The following STAU2 variants were observed in gnomAD, a reference collection of about 807,000 sequenced individuals.
STAU2 encodes staufen double-stranded RNA binding protein 2.
Under a neutral mutation model 65.9 loss-of-function variants are expected in STAU2, and 20 were observed. The ratio of observed to expected loss-of-function variants is 0.30; its 90% CI spans 0.21 to 0.44. STAU2 has a LOEUF of 0.44. STAU2 is among the 20% of genes least tolerant of loss of function. The pLI is 1.00. For missense variants in STAU2, 558 were observed against 683.9 expected (o/e 0.82, Z 2.05); for synonymous variants, 232 against 233.9 (o/e 0.99, Z 0.07).
At position 73,437,255 on chromosome 8, in the gene STAU2, G is replaced by C. The variant is rs1273755702; in HGVS notation, c.1531-14553C>G. On this transcript the variant is annotated intron_variant, in intron 13 of 14. Transcript: ENST00000524300. Reference sequence around the variant, plus strand: ...CAGATATCATCAGGTTAAGTACCTGGAGATGGGACAAGTAGCCAGGATTAT... The same window carrying C: ...CAGATATCATCAGGTTAAGTACCTGCAGATGGGACAAGTAGCCAGGATTAT... Among the ~76,000 whole-genome samples, 3 of 152,310 alleles carry C rather than the reference G, an allele frequency of 2.0e-5. No individual in the cohort carries two copies. In the East Asian group the frequency reaches 5.8e-4, roughly 29 times the overall value.
Position 73,673,122 on chromosome 8 carries a change from C to T in STAU2, c.395G>A (p.Gly132Asp). 1 of 1,588,648 alleles carries T rather than the reference C, an allele frequency of 6.3e-7. No individual in the cohort carries two copies. Among genetic ancestry groups the T allele is most frequent in the Non-Finnish European group, 8.6e-7 (1 of 1,167,848 alleles). Residue 132 changes from glycine (G) to aspartate (D), a missense_variant, in exon 6 of 15, where the codon GGC (glycine) becomes GAC (aspartate). This residue lies in a region of STAU2 where 199 missense variants were observed against 299.5 expected (regional missense o/e 0.66). Coordinates refer to ENST00000524300, the MANE Select transcript of STAU2 (RefSeq NM_001164380.2). Reference protein sequence around the residue: ...PNYRANYNFRGMYNQRYHCPV... With the variant: ...PNYRANYNFRDMYNQRYHCPV... ...ACATACAAACCTCTGATTGTACATG[C>T]CCCGAAAGTTGTAATTAGCTCTATA...
chr8:73,424,704 A>ACTT (rs1438507968), intron 13 of STAU2, among the ~76,000 whole-genome samples: 1 of 151,862 alleles, frequency 6.6e-6, no homozygotes, highest in Non-Finnish European at 1.5e-5. Flanking sequence ...TATTCATAAT[A>ACTT]CTTTTTTCTT....
chr8:73,648,059 C>T lies in STAU2; in HGVS notation c.410+25048G>A, dbSNP rs1412223476. On this transcript the variant is annotated intron_variant, in intron 6 of 14. Transcript: ENST00000524300. ...TGCAGAGTACATGGGCTTCTGTGTG[C>T]CATTTTTACAACTTTCAGTGAATCT... Among the ~76,000 whole-genome samples, 7 of 152,102 alleles carry T rather than the reference C, an allele frequency of 4.6e-5. No homozygotes were observed. In the South Asian group the frequency reaches 6.2e-4, roughly 14 times the overall value.
chr8:73,722,010 T>C (rs1821720242), intron 3 of STAU2, among the ~76,000 whole-genome samples: 1 of 152,222 alleles, frequency 6.6e-6, no homozygotes, highest in South Asian at 2.1e-4. Context: ...AATTATTTTG[T>C]GTGACTCCAT....
chr8:73,682,022 T>C (rs1366139022), intron 5 of STAU2, among the ~76,000 whole-genome samples: 1 of 151,962 alleles, frequency 6.6e-6, no homozygotes, highest in South Asian at 2.1e-4. Flanking sequence ...GGCAAAATAA[T>C]AATAGTGAGG....
chr8:73,662,219 C>A (rs1329671838), intron 6 of STAU2, among the ~76,000 whole-genome samples: 2 of 152,074 alleles, frequency 1.3e-5, no homozygotes, highest in African/African-American at 2.4e-5. Flanking sequence ...AAATATTGTC[C>A]ATTTTTGCCT....
At chr8:73,740,081 G>GA (rs1291896331) in intron 1 of STAU2, among the ~76,000 whole-genome samples, 2 of 152,122 alleles carry the variant, frequency 1.3e-5, no homozygotes, top group East Asian at 3.9e-4. Flanking sequence ...AGAGCCCCAG[G>GA]AAACTGAACC....
rs951839700 is a variant in STAU2 at position 73,611,177 on chromosome 8, A to C, written c.891+2567T>G. ...ATGCTAAAAATCAGGATACTATTCC[A>C]AGCTGATCCATTTACTGACATATTA... On this transcript the variant is annotated intron_variant, in intron 9 of 14. Transcript: ENST00000524300. Among the ~76,000 whole-genome samples, 13 of 152,358 alleles carry C rather than the reference A, an allele frequency of 8.5e-5. No individual in the cohort carries two copies. In the Middle Eastern group the frequency reaches 0.014, roughly 159 times the overall value.
At chr8:73,582,074 G>A (rs759016052) in intron 12 of STAU2, among the ~76,000 whole-genome samples, 3 of 152,236 alleles carry the variant, frequency 2.0e-5, no homozygotes, top group Non-Finnish European at 4.4e-5. Context: ...GGAAGTGAGG[G>A]AGAGTATTAA....
chr8:73,477,255 C>T lies in STAU2; in HGVS notation c.1531-54553G>A, dbSNP rs191899179. Reference sequence around the variant, plus strand: ...TCTTGTTACAGAGGTTGGTTTTGATCCTTTGGACAGCAAGAATTCTAAAAA... The same window carrying T: ...TCTTGTTACAGAGGTTGGTTTTGATTCTTTGGACAGCAAGAATTCTAAAAA... On this transcript the variant is annotated intron_variant, in intron 13 of 14. Transcript: ENST00000524300. 5.8e-3 allele frequency among the ~76,000 whole-genome samples: 881 copies of T among 152,110 alleles called. 6 individuals carry two copies. The highest frequency in any genetic ancestry group is 9.6e-3 in the Non-Finnish European group (653 of 67,980).
At chr8:73,464,930 A>G (rs1819569509) in intron 13 of STAU2, among the ~76,000 whole-genome samples, 1 of 152,258 alleles carries the variant, frequency 6.6e-6, no homozygotes, top group East Asian at 1.9e-4. Context: ...TTAAGAAGAT[A>G]CAGCTAAAAT....
At chr8:73,732,205 A>T (rs2130754176) in intron 3 of STAU2, among the ~76,000 whole-genome samples, 1 of 152,342 alleles carries the variant, frequency 6.6e-6, no homozygotes, top group South Asian at 2.1e-4. Flanking sequence ...AGGAGGCCTC[A>T]GTTTCCCACA....
At chr8:73,590,228 G>A (rs1810673153) in intron 11 of STAU2, among the ~76,000 whole-genome samples, 1 of 138,662 alleles carries the variant, frequency 7.2e-6, no homozygotes, top group Admixed American at 7.0e-5. Context: ...GAAGAAGGGT[G>A]GGAAAAGAGT....
intron 13 of STAU2, among the ~76,000 whole-genome samples, chr8:73,509,608 A>G (rs1444640183): frequency 1.3e-5 from 2 of 152,196 alleles, no homozygotes; most frequent in Non-Finnish European, 1.5e-5. Flanking sequence ...TGCATTTGCC[A>G]AAATTCACAG....
At position 73,542,987 on chromosome 8, in the gene STAU2, A is replaced by C. The variant is rs556514646; in HGVS notation, c.1530+9025T>G. The stretch of plus-strand genomic sequence containing the variant: ...CACAAAATATTGTAAATCAATGTTC[A>C]TAAACAGCTTTATTTATAATGGCCC... On this transcript the variant is annotated intron_variant, in intron 13 of 14. Coordinates refer to ENST00000524300, the MANE Select transcript of STAU2 (RefSeq NM_001164380.2). 4.6e-5 allele frequency among the ~76,000 whole-genome samples: 7 copies of C among 152,346 alleles called. No homozygotes were observed. In the East Asian group the frequency reaches 7.7e-4, roughly 17 times the overall value.
chr8:73,560,530 G>T (rs1416530943), intron 12 of STAU2, among the ~76,000 whole-genome samples: 4 of 152,108 alleles, frequency 2.6e-5, no homozygotes, highest in Non-Finnish European at 5.9e-5. Context: ...TTAACATAAT[G>T]ATGTATGTGA....
At chr8:73,630,885 T>C (rs1814045166) in intron 6 of STAU2, among the ~76,000 whole-genome samples, 1 of 152,228 alleles carries the variant, frequency 6.6e-6, no homozygotes, top group South Asian at 2.1e-4. Flanking sequence ...CTAAAGCTTT[T>C]GGTTATTCCC....
intron 5 of STAU2, among the ~76,000 whole-genome samples, chr8:73,685,900 C>T (rs886342508): frequency 1.3e-5 from 2 of 152,130 alleles, no homozygotes; most frequent in African/African-American, 4.8e-5. Context: ...ATAAAACCAG[C>T]CCAAATGCCC....
At chr8:73,450,813 GT>G (rs1292013019) in intron 13 of STAU2, among the ~76,000 whole-genome samples, 1 of 152,158 alleles carries the variant, frequency 6.6e-6, no homozygotes, top group African/African-American at 2.4e-5. Context: ...TGTGTGTGCT[GT>G]TTTTGCTCCA....
Sources: allele counts gnomAD v4.1 joint callset (sites outside exome capture counted in the v4.1 genomes callset), GRCh38; gene constraint gnomAD v4.1.1; regional missense constraint gnomAD v4.1.1; transcripts MANE v1.5; gene names NCBI Gene and HGNC (gene_info 2026-07-23, HGNC 2026-07-21).